The following VEPH1 variants were observed in gnomAD, a reference collection of about 807,000 sequenced individuals.
The protein encoded by VEPH1 is ventricular zone-expressed PH domain-containing protein homolog 1.
In VEPH1, 80 loss-of-function variants were observed where a neutral mutation model predicts 85.2. The observed-to-expected ratio is 0.94, with a 90% CI of 0.78 to 1.13. The LOEUF (loss-of-function observed/expected upper bound fraction) is 1.13. Among genes scored for constraint, VEPH1 ranks in the 50% most tolerant of loss-of-function variants. VEPH1 has a pLI of 0.00. For synonymous variants in VEPH1, 297 were observed against 348.0 expected, an observed-to-expected ratio of 0.85 and a Z score of 1.63; for missense variants, 955 against 980.5, an observed-to-expected ratio of 0.97 and a Z score of 0.35.
At position 157,414,016 on chromosome 3, in the gene VEPH1, G is replaced by C. The variant is rs894747990; in HGVS notation, c.771C>G (p.Ile257Met). 2 of 1,613,326 alleles carry C rather than the reference G, an allele frequency of 1.2e-6. No homozygotes were observed. Among genetic ancestry groups the C allele is most frequent in the African/African-American group, 2.7e-5 (2 of 74,878 alleles). ...GCTCATAGACTGCTATCTCTATGAG[G>C]ATGTTTAGGATGATGTCATTATGGG... ...DSTHNDIILN[I>M]LIEIAVYEPV... Residue 257 changes from isoleucine (I) to methionine (M), a missense_variant, in exon 6 of 14, where the codon ATC (isoleucine) becomes ATG (methionine). By Grantham distance (10) the Ile-to-Met change is conservative. Coordinates refer to ENST00000362010, the MANE Select transcript of VEPH1 (RefSeq NM_001167912.2).
chr3:157,371,292 T>C (rs1727459927), intron 7 of VEPH1, among the ~76,000 whole-genome samples: 1 of 152,138 alleles, frequency 6.6e-6, no homozygotes, highest in Admixed American at 6.5e-5. Context: ...AAATATGAAT[T>C]CTGAGCAACT....
intron 7 of VEPH1, among the ~76,000 whole-genome samples, chr3:157,369,005 T>G (rs1727073878): frequency 2.6e-5 from 4 of 151,494 alleles, no homozygotes; most frequent in Non-Finnish European, 1.5e-5. Flanking sequence ...GTACAACCCA[T>G]CTGGTCTGGC....
intron 9 of VEPH1, among the ~76,000 whole-genome samples, chr3:157,338,149 T>C (rs1334603183): frequency 6.6e-6 from 1 of 152,220 alleles, no homozygotes; most frequent in East Asian, 1.9e-4. Flanking sequence ...TGATAAATAG[T>C]TCCTATAATG....
At chr3:157,424,682 C>T (rs1271648612) in intron 5 of VEPH1, among the ~76,000 whole-genome samples, 1 of 152,148 alleles carries the variant, frequency 6.6e-6, no homozygotes, top group African/African-American at 2.4e-5. Context: ...TGCCCCTGCC[C>T]TAGGGATTTC....
intron 2 of VEPH1, among the ~76,000 whole-genome samples, chr3:157,490,433 AC>A (rs1450804806): frequency 6.6e-6 from 1 of 152,094 alleles, no homozygotes; most frequent in African/African-American, 2.4e-5. Context: ...GAAAAAAAAA[AC>A]ATAAACAGAT....
At chr3:157,271,783 C>T (rs1486015338) in intron 12 of VEPH1, among the ~76,000 whole-genome samples, 4 of 151,986 alleles carry the variant, frequency 2.6e-5, no homozygotes, top group Non-Finnish European at 5.9e-5. Flanking sequence ...AAAACAGAAG[C>T]GATCAGGCAC....
At chr3:157,413,599 A>G (rs559559926) in intron 6 of VEPH1, 2 of 985,268 alleles carry the variant, frequency 2.0e-6, no homozygotes, top group Admixed American at 6.1e-5. Flanking sequence ...GCAATAAAAG[A>G]CTCACTTCCT....
intron 12 of VEPH1, among the ~76,000 whole-genome samples, chr3:157,272,434 T>TCTTTCTTTCTTTCTTC: frequency 6.8e-6 from 1 of 146,974 alleles, no homozygotes; most frequent in African/African-American, 2.5e-5. Flanking sequence ...TTTCTTTCTT[T>TCTTTCTTTCTTTCTTC]CTTTCCTTCT....
At chr3:157,403,458 A>C (rs978398632) in intron 6 of VEPH1, among the ~76,000 whole-genome samples, 1 of 151,942 alleles carries the variant, frequency 6.6e-6, no homozygotes, top group African/African-American at 2.4e-5. Context: ...TTTTTCTTTT[A>C]TTTTATTGTG....
intron 7 of VEPH1, among the ~76,000 whole-genome samples, chr3:157,369,380 C>A (rs1410861002): frequency 6.6e-6 from 1 of 152,022 alleles, no homozygotes; most frequent in East Asian, 1.9e-4. Flanking sequence ...GAAGAAGCAA[C>A]AATAAAATGT....
At chr3:157,297,939 T>C (rs1041418353) in intron 11 of VEPH1, among the ~76,000 whole-genome samples, 11 of 152,032 alleles carry the variant, frequency 7.2e-5, no homozygotes, top group African/African-American at 2.7e-4. Flanking sequence ...AGGGAATAAT[T>C]AGACACACAC....
intron 11 of VEPH1, among the ~76,000 whole-genome samples, chr3:157,303,517 T>C (rs907686119): frequency 7.9e-5 from 12 of 152,224 alleles, no homozygotes; most frequent in Admixed American, 1.3e-4. Context: ...CCATTCTTTC[T>C]ATATGGAACC....
At chr3:157,403,416 G>A (rs190173963) in intron 6 of VEPH1, among the ~76,000 whole-genome samples, 2 of 152,224 alleles carry the variant, frequency 1.3e-5, no homozygotes, top group East Asian at 3.9e-4. Context: ...AAGTGTCAAT[G>A]CATCACAATT....
At chr3:157,442,302 C>T (rs1734185900) in intron 4 of VEPH1, 2 of 1,347,134 alleles carry the variant, frequency 1.5e-6, no homozygotes, top group Non-Finnish European at 2.0e-6. Flanking sequence ...ATAACTAATG[C>T]CAGAATAATT....
intron 4 of VEPH1, chr3:157,437,057 G>T (rs1733651136): frequency 6.2e-7 from 1 of 1,613,822 alleles, no homozygotes; most frequent in Admixed American, 1.7e-5. Flanking sequence ...CCATCCCACT[G>T]AGGACCGTAA....
intron 9 of VEPH1, among the ~76,000 whole-genome samples, chr3:157,339,154 C>T (rs1284374323): frequency 6.6e-6 from 1 of 152,196 alleles, no homozygotes; most frequent in Non-Finnish European, 1.5e-5. Context: ...AGCCAGACTC[C>T]TAAAAGTGGA....
chr3:157,313,635 A>AC lies in VEPH1; in HGVS notation c.1995dup (p.Phe666ValfsTer21). On this transcript the variant is annotated frameshift_variant, in exon 11 of 14. Coordinates refer to ENST00000362010, the MANE Select transcript of VEPH1 (RefSeq NM_001167912.2). LOFTEE classifies it high-confidence loss of function. ...GGAATATTTACCTTCTGCTGTGGAA[A>AC]CGTGGACTCCATCATGGCAGTTTCA... The AC allele has an allele frequency of 6.2e-7, 1 of 1,614,086 alleles. No homozygotes were observed. Among genetic ancestry groups the AC allele is most frequent in the Admixed American group, 1.7e-5 (1 of 60,022 alleles).
At chr3:157,481,097 T>C (rs1737994121) in intron 2 of VEPH1, among the ~76,000 whole-genome samples, 1 of 152,178 alleles carries the variant, frequency 6.6e-6, no homozygotes, top group Non-Finnish European at 1.5e-5. Context: ...ATGTCTTCTT[T>C]TGAGAAGGGT....
At chr3:157,292,186 C>T (rs913315490) in intron 11 of VEPH1, among the ~76,000 whole-genome samples, 2 of 152,164 alleles carry the variant, frequency 1.3e-5, no homozygotes, top group Non-Finnish European at 2.9e-5. Context: ...CCACCTCAGC[C>T]TCCCAGAGTG....
Sources: allele counts gnomAD v4.1 joint callset (sites outside exome capture counted in the v4.1 genomes callset), GRCh38; gene constraint gnomAD v4.1.1; transcripts MANE v1.5; gene names NCBI Gene and HGNC (gene_info 2026-07-23, HGNC 2026-07-21).